The following ZZZ3 variants were observed in gnomAD, a reference collection of about 807,000 sequenced individuals.
The protein encoded by ZZZ3 is zinc finger ZZ-type containing 3.
A neutral mutation model predicts 95.2 loss-of-function variants in ZZZ3; 22 were observed. That is an observed-to-expected ratio of 0.23 (90% CI 0.17 to 0.33). The LOEUF is 0.33. Among genes scored for constraint, ZZZ3 ranks in the 10% least tolerant of loss-of-function variants. The pLI is 1.00. For synonymous variants in ZZZ3, 335 were observed against 358.9 expected (o/e 0.93, Z 0.75); for missense variants, 885 against 1,066.5 (o/e 0.83, Z 2.37).
chr1:77,586,203 T>C (rs971077929), intron 5 of ZZZ3, among the ~76,000 whole-genome samples: 6 of 152,218 alleles, frequency 3.9e-5, no homozygotes, highest in African/African-American at 1.4e-4. Flanking sequence ...GTGATCTGAA[T>C]GCTAGAAGCT....
intron 5 of ZZZ3, among the ~76,000 whole-genome samples, chr1:77,587,457 G>A (rs1434755361): frequency 2.0e-5 from 3 of 151,844 alleles, no homozygotes; most frequent in African/African-American, 7.3e-5. Context: ...GTAGAGATGG[G>A]GTTTCACCAT....
chr1:77,614,256 C>T (rs1476849667), intron 5 of ZZZ3, among the ~76,000 whole-genome samples: 1 of 152,110 alleles, frequency 6.6e-6, no homozygotes, highest in African/African-American at 2.4e-5. Context: ...TCTCCTAAGC[C>T]GACTCTAGTG....
At chr1:77,651,173 C>T (rs1486911437) in intron 1 of ZZZ3, among the ~76,000 whole-genome samples, 4 of 152,070 alleles carry the variant, frequency 2.6e-5, no homozygotes, top group African/African-American at 4.8e-5. Context: ...AGCTTGGGCC[C>T]AGGAGTTCAC....
At chr1:77,582,270 T>C (rs1662600404) in intron 6 of ZZZ3, 144 bp from the exon 7 acceptor site, 3 of 649,344 alleles carry the variant, frequency 4.6e-6, no homozygotes, top group Non-Finnish European at 7.2e-6. Flanking sequence ...CAAGAGACAA[T>C]AAAGTTAATT....
chr1:77,579,879 TATCTC>T, intron 9 of ZZZ3: 1 of 230,036 alleles, frequency 4.3e-6, no homozygotes, highest in Non-Finnish European at 8.3e-6. Flanking sequence ...TAAGTAAAAA[TATCTC>T]ATAAGAAAAC....
intron 5 of ZZZ3, among the ~76,000 whole-genome samples, chr1:77,624,566 A>C (rs1667172492): frequency 6.6e-6 from 1 of 152,148 alleles, no homozygotes; most frequent in Non-Finnish European, 1.5e-5. Flanking sequence ...CAAACTCCAC[A>C]GGAAAAAAAG....
chr1:77,577,328 A>G (rs1230876805), intron 11 of ZZZ3, among the ~76,000 whole-genome samples: 1 of 152,212 alleles, frequency 6.6e-6, no homozygotes, highest in Non-Finnish European at 1.5e-5. Context: ...GGTTACATCT[A>G]TAAAATTAGC....
intron 1 of ZZZ3, among the ~76,000 whole-genome samples, chr1:77,645,770 A>C (rs1200709771): frequency 6.6e-6 from 1 of 152,142 alleles, no homozygotes; most frequent in Non-Finnish European, 1.5e-5. Context: ...CAGGAGTTCA[A>C]GACCAGCCTG....
At chr1:77,682,869 C>G (rs1553185357), upstream of ZZZ3, among the ~76,000 whole-genome samples, 2 of 152,190 alleles carry the variant, frequency 1.3e-5, no homozygotes, top group Non-Finnish European at 1.5e-5. Context: ...TACAGAAAAG[C>G]AGAAATCTTA....
At chr1:77,579,802 C>G in intron 9 of ZZZ3, 174 bp from the exon 10 acceptor site, 1 of 424,950 alleles carries the variant, frequency 2.4e-6, no homozygotes, top group Non-Finnish European at 4.1e-6. Context: ...AAACTTAAGA[C>G]TTCACAGGGA....
intron 11 of ZZZ3, 46 bp downstream of exon 11, chr1:77,578,728 T>C (rs762973041): frequency 3.5e-6 from 4 of 1,142,866 alleles, no homozygotes; most frequent in Non-Finnish European, 4.8e-6. Flanking sequence ...CAATTCTTAC[T>C]TTAATAAATT....
At chr1:77,659,403 C>T (rs1056532871) in intron 1 of ZZZ3, among the ~76,000 whole-genome samples, 3 of 151,938 alleles carry the variant, frequency 2.0e-5, no homozygotes, top group African/African-American at 7.3e-5. Context: ...GTAGCTCACT[C>T]CTGTAATCTC....
At chr1:77,597,533 A>C (rs1453258636) in intron 5 of ZZZ3, among the ~76,000 whole-genome samples, 1 of 152,140 alleles carries the variant, frequency 6.6e-6, no homozygotes, top group African/African-American at 2.4e-5. Flanking sequence ...GGGTGATTAA[A>C]GTCACATCAA....
Position 77,632,794 on chromosome 1 carries a change from T to G in ZZZ3, c.561A>C (p.Pro187=), listed in dbSNP as rs765711913. 1 of 1,614,202 alleles carries G rather than the reference T, an allele frequency of 6.2e-7. No individual in the cohort carries two copies. The stretch of plus-strand genomic sequence containing the variant: ...TTTCTTCAACTACTGCAGAATTAAG[T>G]GGCCCTTCCTCACTGACATTCACCT... ...IKKVNVSEEG[P]LNSAVVEEIT... The change falls in exon 5 of 15, where the codon CCA becomes CCC. Residue 187 remains proline, a synonymous_variant. Coordinates refer to ENST00000370801, the MANE Select transcript of ZZZ3 (RefSeq NM_015534.6).
chr1:77,620,450 G>A (rs1291655154), intron 5 of ZZZ3, among the ~76,000 whole-genome samples: 1 of 150,046 alleles, frequency 6.7e-6, no homozygotes, highest in African/African-American at 2.5e-5. Flanking sequence ...AGATGACAGT[G>A]GCCTACATTA....
chr1:77,593,271 C>A (rs1414372758), intron 5 of ZZZ3, among the ~76,000 whole-genome samples: 4 of 152,174 alleles, frequency 2.6e-5, no homozygotes, highest in Non-Finnish European at 5.9e-5. Flanking sequence ...TAGGTACGAC[C>A]TCAAGAAACT....
At chr1:77,672,477 G>C (rs532858924) in intron 1 of ZZZ3, among the ~76,000 whole-genome samples, 62 of 152,256 alleles carry the variant, frequency 4.1e-4, no homozygotes, top group Non-Finnish European at 6.6e-4. Context: ...TCACTTGTAG[G>C]GTTTTTGTCT....
intron 5 of ZZZ3, among the ~76,000 whole-genome samples, chr1:77,628,491 A>G (rs1667515340): frequency 6.6e-6 from 1 of 152,240 alleles, no homozygotes; most frequent in Admixed American, 6.5e-5. Flanking sequence ...GCATCAAGCT[A>G]GTACCCAGAA....
intron 1 of ZZZ3, among the ~76,000 whole-genome samples, chr1:77,650,290 C>T (rs1208910062): frequency 6.6e-6 from 1 of 152,130 alleles, no homozygotes; most frequent in African/African-American, 2.4e-5. Flanking sequence ...TCAAAAATCA[C>T]TTTCATACAG....
Sources: gnomAD v4.1 joint callset for allele counts (sites outside exome capture counted in the v4.1 genomes callset) on GRCh38, gnomAD v4.1.1 for gene constraint, MANE v1.5 for transcripts, NCBI Gene and HGNC (gene_info 2026-07-23, HGNC 2026-07-21) for gene names.